MACROD2: variants seen among roughly 807,000 people sequenced by gnomAD.
The protein encoded by MACROD2 is mono-ADP ribosylhydrolase 2, also known as ADP-ribose glycohydrolase MACROD2.
Under a neutral mutation model 70.4 loss-of-function variants are expected in MACROD2, and 36 were observed. That is an observed-to-expected ratio of 0.51 (90% CI 0.39 to 0.68). The LOEUF (loss-of-function observed/expected upper bound fraction) is 0.68. Among genes scored for constraint, MACROD2 ranks in the 30% least tolerant of loss-of-function variants. The probability of loss-of-function intolerance (pLI) is 0.00; values close to 1 mark genes in which losing one functional copy is unlikely to be tolerated. For synonymous variants in MACROD2, 172 were observed against 178.8 expected (o/e 0.96, Z 0.30); for missense variants, 496 against 538.4 (o/e 0.92, Z 0.78).
chr20:15,270,407 G>C (rs186096478), intron 6 of MACROD2, among the ~76,000 whole-genome samples: 1 of 152,114 alleles, frequency 6.6e-6, no homozygotes, highest in Non-Finnish European at 1.5e-5. Flanking sequence ...TTAACAAAAA[G>C]ACAGAAATAT....
intron 3 of MACROD2, among the ~76,000 whole-genome samples, chr20:14,157,366 A>C (rs377121225): frequency 2.6e-5 from 4 of 152,118 alleles, no homozygotes; most frequent in African/African-American, 7.2e-5. Context: ...GGTATCCATC[A>C]TCTTGAGTAT....
Position 14,868,123 on chromosome 20 carries a change from G to A in MACROD2, c.418+183164G>A, listed in dbSNP as rs185020066. ...TTATCACTGACCTTATACTTTATTA[G>A]GCCCCCAAACCCAACCATCTTGAGA... On this transcript the variant is annotated intron_variant, in intron 5 of 17. Coordinates refer to ENST00000684519, the MANE Select transcript of MACROD2 (RefSeq NM_001351661.2). Among the ~76,000 whole-genome samples the A allele has an allele frequency of 8.6e-5, 13 of 151,572 alleles. No homozygotes were observed. The East Asian group carries it at 2.3e-3, about 27-fold the overall frequency.
intron 5 of MACROD2, among the ~76,000 whole-genome samples, chr20:15,202,630 A>T (rs1419484840): frequency 6.6e-6 from 1 of 152,222 alleles, no homozygotes; most frequent in Admixed American, 6.5e-5. Flanking sequence ...GAAAGAAACA[A>T]ACTGTTTAAT....
chr20:14,571,941 A>G (rs2123320816), intron 4 of MACROD2, among the ~76,000 whole-genome samples: 1 of 152,198 alleles, frequency 6.6e-6, no homozygotes, highest in South Asian at 2.1e-4. Flanking sequence ...GCCCAGATAT[A>G]CAGTAATGAA....
chr20:16,034,380 G>T (rs1406345305), intron 15 of MACROD2, among the ~76,000 whole-genome samples: 3 of 151,976 alleles, frequency 2.0e-5, no homozygotes, highest in Non-Finnish European at 4.4e-5. Flanking sequence ...AGTTGCACAT[G>T]CATTCTAGAC....
At chr20:15,166,820 G>A (rs898276764) in intron 5 of MACROD2, among the ~76,000 whole-genome samples, 2 of 151,104 alleles carry the variant, frequency 1.3e-5, no homozygotes, top group Non-Finnish European at 3.0e-5. Context: ...ATAATTTCAA[G>A]AAACAGAAAT....
At chr20:14,896,167 C>A (rs796129308) in intron 5 of MACROD2, among the ~76,000 whole-genome samples, 1 of 151,998 alleles carries the variant, frequency 6.6e-6, no homozygotes, top group Non-Finnish European at 1.5e-5. Context: ...TGGTGGTGGG[C>A]GCCTGTAATA....
intron 3 of MACROD2, among the ~76,000 whole-genome samples, chr20:14,380,568 A>C (rs987653398): frequency 6.6e-6 from 1 of 152,154 alleles, no homozygotes; most frequent in African/African-American, 2.4e-5. Context: ...TTGTTGATCC[A>C]TTTGGAGTTA....
chr20:15,852,756 A>G (rs899794801), intron 8 of MACROD2, among the ~76,000 whole-genome samples: 3 of 152,328 alleles, frequency 2.0e-5, no homozygotes, highest in Middle Eastern at 3.4e-3. Flanking sequence ...CTGCTTATAT[A>G]TACCATGGCC....
intron 5 of MACROD2, among the ~76,000 whole-genome samples, chr20:14,908,651 G>A (rs6034059): frequency 0.89 from 134,389 of 151,812 alleles, 59,538 homozygotes; most frequent in East Asian, 1. Context: ...TGACAGAGCA[G>A]ACTCTGTCTG....
At chr20:14,847,134 A>T (rs1284522653) in intron 5 of MACROD2, among the ~76,000 whole-genome samples, 1 of 152,212 alleles carries the variant, frequency 6.6e-6, no homozygotes, top group Non-Finnish European at 1.5e-5. Context: ...GTTACTTTAA[A>T]AAAAGAGTAA....
Position 14,882,853 on chromosome 20 carries a change from A to G in MACROD2, c.418+197894A>G, listed in dbSNP as rs2073625988. Among the ~76,000 whole-genome samples the G allele has an allele frequency of 2.6e-5, 4 of 152,192 alleles. No homozygotes were observed. The South Asian group carries it at 8.3e-4, about 32-fold the overall frequency. ...ATTACTCTTGGAACTATATTCAAGA[A>G]GGACTTAAGTATGTAGACCTTATGT... On this transcript the variant is annotated intron_variant, in intron 5 of 17. Transcript: ENST00000684519.
At chr20:14,249,022 A>G (rs2081988970) in intron 3 of MACROD2, among the ~76,000 whole-genome samples, 4 of 152,052 alleles carry the variant, frequency 2.6e-5, no homozygotes, top group African/African-American at 7.2e-5. Flanking sequence ...TTAATAGCCA[A>G]TAGAAGAAGT....
chr20:14,787,797 A>G (rs2072393490), intron 5 of MACROD2, among the ~76,000 whole-genome samples: 1 of 152,102 alleles, frequency 6.6e-6, no homozygotes, highest in African/African-American at 2.4e-5. Flanking sequence ...GAGATTCAGA[A>G]GGTGATCTTG....
chr20:14,814,673 G>C (rs553390134), intron 5 of MACROD2, among the ~76,000 whole-genome samples: 1 of 151,896 alleles, frequency 6.6e-6, no homozygotes, highest in Non-Finnish European at 1.5e-5. Flanking sequence ...AAAAACTATA[G>C]GTACTTACCA....
chr20:14,920,696 T>C (rs538359003), intron 5 of MACROD2, among the ~76,000 whole-genome samples: 1 of 152,218 alleles, frequency 6.6e-6, no homozygotes, highest in East Asian at 1.9e-4. Context: ...GCAATAAAGG[T>C]GATATTAAGT....
At chr20:14,484,622 C>T (rs80265646) in intron 3 of MACROD2, among the ~76,000 whole-genome samples, 1 of 78,630 alleles carries the variant, frequency 1.3e-5, no homozygotes, top group African/African-American at 4.8e-5. Context: ...AACCACCCTT[C>T]TTTTCTCCAT....
At chr20:14,116,154 G>A (rs977080502) in intron 3 of MACROD2, among the ~76,000 whole-genome samples, 5 of 152,176 alleles carry the variant, frequency 3.3e-5, no homozygotes, top group Non-Finnish European at 7.3e-5. Flanking sequence ...TACTCATTCT[G>A]TCAAACGGAG....
intron 4 of MACROD2, among the ~76,000 whole-genome samples, chr20:14,513,205 A>C (rs2085050300): frequency 6.6e-6 from 1 of 152,116 alleles, no homozygotes; most frequent in South Asian, 2.1e-4. Context: ...CTTTGCAAGG[A>C]TATTCCCTTT....
Sources: allele counts gnomAD v4.1 joint callset (sites outside exome capture counted in the v4.1 genomes callset), GRCh38; gene constraint gnomAD v4.1.1; transcripts MANE v1.5; gene names NCBI Gene and HGNC (gene_info 2026-07-23, HGNC 2026-07-21).